The following RBFOX1 variants were observed in gnomAD, a reference collection of about 807,000 sequenced individuals.
RBFOX1 encodes RNA binding fox-1 homolog 1.
In RBFOX1, 8 loss-of-function variants were observed where a neutral mutation model predicts 57.7. The observed-to-expected ratio is 0.14, with a 90% CI of 0.08 to 0.25. The LOEUF (loss-of-function observed/expected upper bound fraction) is 0.25. RBFOX1 is among the 10% of genes least tolerant of loss of function. RBFOX1 has a pLI of 1.00. For synonymous variants in RBFOX1, 326 were observed against 222.4 expected (o/e 1.47, Z -4.15); for missense variants, 611 against 548.5 (o/e 1.11, Z -1.14).
intron 3 of RBFOX1, among the ~76,000 whole-genome samples, chr16:6,796,391 C>G (rs984057430): frequency 3.3e-5 from 5 of 152,148 alleles, no homozygotes; most frequent in Non-Finnish European, 5.9e-5. Flanking sequence ...TTGGCAAAAC[C>G]AAGAAATAGC....
intron 3 of RBFOX1, among the ~76,000 whole-genome samples, chr16:5,662,966 T>A (rs538682694): frequency 6.6e-6 from 1 of 152,260 alleles, no homozygotes; most frequent in South Asian, 2.1e-4. Flanking sequence ...TTATCTATGA[T>A]TATCTGTAGT....
At chr16:6,866,558 T>TTTTTTTTTTTTTTA (rs2059955136) in intron 3 of RBFOX1, among the ~76,000 whole-genome samples, 1 of 143,986 alleles carries the variant, frequency 6.9e-6, no homozygotes, top group South Asian at 2.3e-4. Context: ...TTTTTTTTTT[T>TTTTTTTTTTTTTTA]TGAGTTGGAG....
intron 4 of RBFOX1, among the ~76,000 whole-genome samples, chr16:7,082,304 G>C (rs1448432321): frequency 6.6e-6 from 1 of 152,114 alleles, no homozygotes; most frequent in African/African-American, 2.4e-5. Context: ...TTCCAGGCTG[G>C]GCGTGGTCGT....
chr16:7,482,131 TC>T (rs2151254789), intron 4 of RBFOX1, among the ~76,000 whole-genome samples: 1 of 152,314 alleles, frequency 6.6e-6, no homozygotes, highest in Admixed American at 6.5e-5. Context: ...TGCTCTATAG[TC>T]ATAACAATAA....
chr16:6,311,754 T>A (rs897360528), intron 1 of RBFOX1, among the ~76,000 whole-genome samples: 3 of 152,188 alleles, frequency 2.0e-5, no homozygotes, highest in Non-Finnish European at 4.4e-5. Flanking sequence ...GTTATGTGGC[T>A]GGGAGTCACT....
intron 2 of RBFOX1, among the ~76,000 whole-genome samples, chr16:5,582,672 T>C (rs1196512023): frequency 1.4e-5 from 2 of 146,996 alleles, no homozygotes; most frequent in Non-Finnish European, 3.0e-5. Flanking sequence ...TGCCCCAGCC[T>C]CCCAAGTAGC....
chr16:5,741,458 A>G (rs769200430), intron 3 of RBFOX1, among the ~76,000 whole-genome samples: 22 of 152,364 alleles, frequency 1.4e-4, no homozygotes, highest in African/African-American at 3.6e-4. Flanking sequence ...AGAATCATCA[A>G]CTCAGCCTGG....
At chr16:6,758,446 C>G (rs555613061) in intron 3 of RBFOX1, among the ~76,000 whole-genome samples, 10 of 152,212 alleles carry the variant, frequency 6.6e-5, no homozygotes, top group African/African-American at 2.2e-4. Flanking sequence ...TACAATTGAA[C>G]CCAGTTTGTA....
chr16:6,974,822 G>A (rs7500564), intron 3 of RBFOX1, among the ~76,000 whole-genome samples: 92,876 of 151,902 alleles, frequency 0.61, 29,254 homozygotes, highest in Non-Finnish European at 0.68. Context: ...CCCTTGGCTT[G>A]TAGTCCTTTT....
chr16:7,598,333 T>A (rs2094818395), intron 9 of RBFOX1, among the ~76,000 whole-genome samples: 1 of 152,156 alleles, frequency 6.6e-6, no homozygotes, highest in Admixed American at 6.5e-5. Context: ...TAAATGATGA[T>A]AATATGCCAG....
intron 4 of RBFOX1, among the ~76,000 whole-genome samples, chr16:7,420,195 G>C (rs534219219): frequency 3.9e-5 from 6 of 152,216 alleles, no homozygotes; most frequent in African/African-American, 1.4e-4. Flanking sequence ...TAATTATACA[G>C]ATGGGGCACA....
intron 3 of RBFOX1, among the ~76,000 whole-genome samples, chr16:6,924,582 A>G (rs1597369630): frequency 1.3e-5 from 2 of 152,112 alleles, no homozygotes; most frequent in Non-Finnish European, 2.9e-5. Flanking sequence ...AAACTGTATC[A>G]CCGAGCCTCC....
intron 3 of RBFOX1, among the ~76,000 whole-genome samples, chr16:6,773,151 GTA>G (rs2078667814): frequency 7.5e-6 from 1 of 133,368 alleles, no homozygotes; most frequent in African/African-American, 3.0e-5. Context: ...TTGTGTTTGT[GTA>G]TGGGTGTGGG....
chr16:6,325,226 G>T (rs915920154), intron 2 of RBFOX1, among the ~76,000 whole-genome samples: 1 of 152,098 alleles, frequency 6.6e-6, no homozygotes, highest in Admixed American at 6.5e-5. Context: ...AGGCATGGTG[G>T]TGTGCACCTA....
chr16:7,183,849 G>A (rs12709182), intron 4 of RBFOX1, among the ~76,000 whole-genome samples: 54,186 of 152,092 alleles, frequency 0.36, 10,369 homozygotes, highest in Non-Finnish European at 0.44. Context: ...GGTACCATTC[G>A]TATCAGGTCT....
intron 1 of RBFOX1, among the ~76,000 whole-genome samples, chr16:5,263,824 C>G (rs896780652): frequency 1.3e-5 from 2 of 152,070 alleles, no homozygotes; most frequent in African/African-American, 2.4e-5. Context: ...ATTGTTACAG[C>G]AAATATGGTT....
intron 3 of RBFOX1, chr16:6,773,918 G>C (rs939915431): frequency 2.8e-5 from 28 of 983,356 alleles, no homozygotes; most frequent in Non-Finnish European, 3.4e-5. Context: ...TTTGCGTTGC[G>C]GGGGTGTGGA....
At chr16:5,920,348 C>G (rs1450393842) in intron 4 of RBFOX1, among the ~76,000 whole-genome samples, 2 of 152,178 alleles carry the variant, frequency 1.3e-5, no homozygotes, top group Non-Finnish European at 2.9e-5. Context: ...TGTTTATTCA[C>G]TCATCGGTGG....
At chr16:6,077,454 C>G (rs1350796450) in intron 1 of RBFOX1, among the ~76,000 whole-genome samples, 4 of 152,110 alleles carry the variant, frequency 2.6e-5, no homozygotes, top group African/African-American at 9.7e-5. Flanking sequence ...TGCTGCGAAC[C>G]AGGAAGGGAG....
Sources: allele counts gnomAD v4.1 joint callset (sites outside exome capture counted in the v4.1 genomes callset), GRCh38; gene constraint gnomAD v4.1.1; transcripts MANE v1.5; gene names NCBI Gene and HGNC (gene_info 2026-07-23, HGNC 2026-07-21).